TASP1: variants seen among roughly 807,000 people sequenced by gnomAD.
TASP1 encodes the protein taspase 1, also known as threonine aspartase 1.
A neutral mutation model predicts 56.6 loss-of-function variants in TASP1; 16 were observed. The ratio of observed to expected loss-of-function variants is 0.28; its 90% CI spans 0.19 to 0.43. TASP1 has a LOEUF of 0.43. Among genes scored for constraint, TASP1 ranks in the 20% least tolerant of loss-of-function variants. The pLI, the probability that TASP1 is intolerant of heterozygous loss-of-function variation, is 1.00. For missense variants in TASP1, 393 were observed against 511.6 expected, an observed-to-expected ratio of 0.77 and a Z score of 2.24; for synonymous variants, 179 against 184.2, an observed-to-expected ratio of 0.97 and a Z score of 0.23.
At chr20:13,548,906 G>T (rs564826695) in intron 8 of TASP1, among the ~76,000 whole-genome samples, 1 of 152,152 alleles carries the variant, frequency 6.6e-6, no homozygotes, top group Non-Finnish European at 1.5e-5. Flanking sequence ...CTAAGAATCT[G>T]TAGTTTTAAA....
the TASP1 span, among the ~76,000 whole-genome samples, chr20:13,169,987 G>A: frequency 1.3e-5 from 2 of 152,298 alleles, no homozygotes; most frequent in African/African-American, 2.4e-5. Context: ...GGAGTCAAAT[G>A]TTAACCTTTT....
chr20:13,213,154 G>A, the TASP1 span, among the ~76,000 whole-genome samples: 2 of 151,798 alleles, frequency 1.3e-5, no homozygotes, highest in Non-Finnish European at 2.9e-5. Context: ...AACTGAAGTT[G>A]TTGAAAGATT....
chr20:13,164,977 C>G, the TASP1 span: 1 of 879,242 alleles, frequency 1.1e-6, no homozygotes, highest in African/African-American at 1.7e-5. Context: ...ATTTTGGTTC[C>G]CAGACCAGCT....
chr20:13,452,957 AGGACATGT>A (rs1354991229), intron 11 of TASP1, among the ~76,000 whole-genome samples: 1 of 152,116 alleles, frequency 6.6e-6, no homozygotes, highest in Non-Finnish European at 1.5e-5. Context: ...CTGCGTGACC[AGGACATGT>A]GGAAAGATGA....
intron 11 of TASP1, among the ~76,000 whole-genome samples, chr20:13,454,175 T>C (rs1249988876): frequency 6.6e-6 from 1 of 152,044 alleles, no homozygotes; most frequent in African/African-American, 2.4e-5. Flanking sequence ...CTGCATTTCA[T>C]CCTCTTTTCA....
chr20:13,603,889 C>T (rs1053278730), intron 4 of TASP1, among the ~76,000 whole-genome samples: 1 of 152,164 alleles, frequency 6.6e-6, no homozygotes, highest in African/African-American at 2.4e-5. Context: ...ATCAGTCTAA[C>T]AAGATACTCC....
At chr20:13,602,282 C>CA (rs2047991670) in intron 4 of TASP1, among the ~76,000 whole-genome samples, 1 of 151,894 alleles carries the variant, frequency 6.6e-6, no homozygotes, top group Non-Finnish European at 1.5e-5. Flanking sequence ...GTTATGGTCA[C>CA]AAAAAACAAG....
At chr20:13,533,975 C>A in intron 9 of TASP1, 47 bp downstream of exon 9, 1 of 1,556,976 alleles carries the variant, frequency 6.4e-7, no homozygotes, top group Non-Finnish European at 8.7e-7. Flanking sequence ...CTAAAAATTC[C>A]ATGCTTTACT....
At chr20:13,589,063 T>G (rs1440776891) in intron 4 of TASP1, among the ~76,000 whole-genome samples, 1 of 150,058 alleles carries the variant, frequency 6.7e-6, no homozygotes, top group Non-Finnish European at 1.5e-5. Context: ...GTGGGTTTTT[T>G]TTTTTTTTTT....
chr20:13,159,677 C>T, the TASP1 span, among the ~76,000 whole-genome samples: 2 of 152,150 alleles, frequency 1.3e-5, no homozygotes, highest in Non-Finnish European at 2.9e-5. Context: ...TTTTATATCA[C>T]TGCAGATTTG....
chr20:13,613,711 C>T (rs940352297), intron 4 of TASP1, among the ~76,000 whole-genome samples: 11 of 151,866 alleles, frequency 7.2e-5, no homozygotes, highest in African/African-American at 2.7e-4. Flanking sequence ...ATGTTTGAGG[C>T]TGTAGCCAAT....
At chr20:13,370,873 T>C in the TASP1 span, among the ~76,000 whole-genome samples, 1 of 152,198 alleles carries the variant, frequency 6.6e-6, no homozygotes, top group Non-Finnish European at 1.5e-5. Context: ...AGATTTTCTA[T>C]TTCTTTTTAA....
intron 11 of TASP1, among the ~76,000 whole-genome samples, chr20:13,475,827 C>T (rs1600923383): frequency 6.6e-6 from 1 of 151,802 alleles, no homozygotes; most frequent in African/African-American, 2.4e-5. Flanking sequence ...ACCCTGGAGG[C>T]GGAGACTGCA....
the TASP1 span, among the ~76,000 whole-genome samples, chr20:13,185,612 T>C: frequency 6.6e-6 from 1 of 152,234 alleles, no homozygotes; most frequent in Non-Finnish European, 1.5e-5. Context: ...ACACCTGTAC[T>C]TGATTCCATG....
At chr20:13,423,024 A>ATTC (rs1271353064) in intron 12 of TASP1, among the ~76,000 whole-genome samples, 1 of 152,258 alleles carries the variant, frequency 6.6e-6, no homozygotes, top group Non-Finnish European at 1.5e-5. Context: ...CTAGATATTT[A>ATTC]TTCCACAGAT....
the TASP1 span, among the ~76,000 whole-genome samples, chr20:13,345,154 G>A: frequency 6.6e-6 from 1 of 152,184 alleles, no homozygotes. Context: ...TAACCACATT[G>A]TAGGTAATGA....
chr20:13,510,059 C>A (rs990623369), intron 10 of TASP1, among the ~76,000 whole-genome samples: 1 of 151,996 alleles, frequency 6.6e-6, no homozygotes, highest in Non-Finnish European at 1.5e-5. Context: ...CAAACCTTTA[C>A]GTGTACCCCT....
At chr20:13,246,455 C>T in the TASP1 span, among the ~76,000 whole-genome samples, 1 of 152,130 alleles carries the variant, frequency 6.6e-6, no homozygotes, top group Non-Finnish European at 1.5e-5. Flanking sequence ...GCCATGTGAC[C>T]AGCAACTGTA....
intron 11 of TASP1, among the ~76,000 whole-genome samples, chr20:13,475,266 C>T (rs1285398286): frequency 6.6e-6 from 1 of 152,150 alleles, no homozygotes; most frequent in Admixed American, 6.5e-5. Context: ...TTGCAAACTG[C>T]ATTTTCTAAC....
Sources: gnomAD v4.1 joint callset for allele counts (sites outside exome capture counted in the v4.1 genomes callset) on GRCh38, gnomAD v4.1.1 for gene constraint, MANE v1.5 for transcripts, NCBI Gene and HGNC (gene_info 2026-07-23, HGNC 2026-07-21) for gene names.